Variants in FRY observed in about 807,000 individuals in gnomAD.
FRY encodes protein furry homolog.
In FRY, 128 loss-of-function variants were observed where a neutral mutation model predicts 348.4. The observed-to-expected ratio is 0.37, with a 90% CI of 0.32 to 0.43. The LOEUF (loss-of-function observed/expected upper bound fraction) is 0.43. Ranked by LOEUF, FRY falls within the 20% of genes least tolerant of loss-of-function variation. The pLI, the probability that FRY is intolerant of heterozygous loss-of-function variation, is 1.00. For missense variants in FRY, 2,736 were observed against 3,695.2 expected, an observed-to-expected ratio of 0.74 and a Z score of 6.73; for synonymous variants, 1,370 against 1,374.7, an observed-to-expected ratio of 1.00 and a Z score of 0.08.
intron 2 of FRY, among the ~76,000 whole-genome samples, chr13:32,096,370 C>T (rs1162911618): frequency 6.6e-6 from 1 of 151,214 alleles, no homozygotes; most frequent in African/African-American, 2.4e-5. Flanking sequence ...GGTGGGAATG[C>T]TAACAAGAAT....
At chr13:32,157,526 T>C (rs919580597) in intron 16 of FRY, 121 bp downstream of exon 16, 4 of 824,038 alleles carry the variant, frequency 4.9e-6, no homozygotes, top group African/African-American at 5.0e-5. Context: ...GTAGTAAAGA[T>C]AGTTAAAAAA....
intron 34 of FRY, among the ~76,000 whole-genome samples, chr13:32,211,811 A>G (rs1376380043): frequency 6.6e-6 from 1 of 151,948 alleles, no homozygotes; most frequent in Non-Finnish European, 1.5e-5. Flanking sequence ...CTGCCTTCCA[A>G]TTCCTCTCCT....
At chr13:32,194,019 A>G (rs1883523030) in intron 28 of FRY, 124 bp from the exon 29 acceptor site, 1 of 993,642 alleles carries the variant, frequency 1.0e-6, no homozygotes, top group South Asian at 1.3e-5. Context: ...CATAAAAACC[A>G]AAATGAAAGC....
At chr13:32,139,151 T>C (rs1879900655) in intron 11 of FRY, among the ~76,000 whole-genome samples, 1 of 152,208 alleles carries the variant, frequency 6.6e-6, no homozygotes, top group African/African-American at 2.4e-5. Flanking sequence ...AAAAATGTTA[T>C]TAATATTCAG....
intron 1 of FRY, among the ~76,000 whole-genome samples, chr13:32,056,029 A>G (rs1436544789): frequency 1.3e-5 from 2 of 152,012 alleles, no homozygotes; most frequent in African/African-American, 4.8e-5. Context: ...TGTCTCTACT[A>G]AAAATACAAA....
At chr13:32,292,168 A>G in intron 59 of FRY, 3 of 296,336 alleles carry the variant, frequency 1.0e-5, no homozygotes, top group South Asian at 8.1e-5. Flanking sequence ...TTTTTAGTGG[A>G]GACGATGTTT....
chr13:32,197,513 T>C (rs934360399), intron 29 of FRY, among the ~76,000 whole-genome samples: 1 of 152,152 alleles, frequency 6.6e-6, no homozygotes, highest in Non-Finnish European at 1.5e-5. Flanking sequence ...TGGGTTCAAA[T>C]CCTCACTCCA....
chr13:32,250,554 G>C (rs1169536745), intron 49 of FRY, among the ~76,000 whole-genome samples: 1 of 152,222 alleles, frequency 6.6e-6, no homozygotes, highest in Non-Finnish European at 1.5e-5. Context: ...GATGACTTCA[G>C]AGCGACAGAG....
intron 1 of FRY, among the ~76,000 whole-genome samples, chr13:32,076,840 G>A (rs557830925): frequency 2.6e-5 from 4 of 152,128 alleles, no homozygotes; most frequent in African/African-American, 9.6e-5. Context: ...TTACAGGGCC[G>A]ACCCTAGACA....
intron 1 of FRY, among the ~76,000 whole-genome samples, chr13:32,051,976 T>A (rs1873358744): frequency 6.6e-6 from 1 of 152,234 alleles, no homozygotes; most frequent in Non-Finnish European, 1.5e-5. Flanking sequence ...TTGTAATAGA[T>A]TTGGGTGCCA....
chr13:32,141,854 G>A (rs1231372214), intron 11 of FRY, among the ~76,000 whole-genome samples: 1 of 152,216 alleles, frequency 6.6e-6, no homozygotes, highest in Admixed American at 6.5e-5. Flanking sequence ...GACTGGCAGT[G>A]AGGTGAGATG....
At chr13:32,049,918 A>G (rs1336200907) in intron 1 of FRY, among the ~76,000 whole-genome samples, 1 of 152,242 alleles carries the variant, frequency 6.6e-6, no homozygotes, top group Admixed American at 6.5e-5. Flanking sequence ...TATTTGATGA[A>G]CAGTGTTTTA....
chr13:32,230,697 T>G (rs1296485312), intron 40 of FRY, among the ~76,000 whole-genome samples: 1 of 152,212 alleles, frequency 6.6e-6, no homozygotes, highest in African/African-American at 2.4e-5. Flanking sequence ...CTGGGTCGAA[T>G]GGTATTTCTG....
At chr13:32,286,523 G>A (rs537507896) in intron 58 of FRY, among the ~76,000 whole-genome samples, 127 of 151,920 alleles carry the variant, frequency 8.4e-4, no homozygotes, top group African/African-American at 2.7e-3. Context: ...CGAGGCAGGC[G>A]GATCACAAGG....
At chr13:32,042,740 G>T (rs561912762) in intron 1 of FRY, among the ~76,000 whole-genome samples, 1 of 152,318 alleles carries the variant, frequency 6.6e-6, no homozygotes, top group East Asian at 1.9e-4. Flanking sequence ...ACTTCCTCTT[G>T]CTTCTCTCTG....
chr13:32,040,009 CACA>C (rs1170137683), intron 1 of FRY, among the ~76,000 whole-genome samples: 3 of 152,236 alleles, frequency 2.0e-5, no homozygotes, highest in African/African-American at 7.2e-5. Flanking sequence ...ATGCCATAAG[CACA>C]ACATTATGGA....
intron 31 of FRY, among the ~76,000 whole-genome samples, chr13:32,205,156 T>C (rs974919978): frequency 2.1e-5 from 3 of 144,740 alleles, no homozygotes; most frequent in Non-Finnish European, 3.0e-5. Flanking sequence ...TTAGCCGAGA[T>C]TGTGCTACTG....
chr13:32,167,018 C>T (rs1050569188), intron 17 of FRY, among the ~76,000 whole-genome samples: 2 of 151,798 alleles, frequency 1.3e-5, no homozygotes, highest in Non-Finnish European at 2.9e-5. Context: ...TGAAAATGAT[C>T]CTGCATTGTG....
chr13:32,240,686 A>C (rs191245410), intron 46 of FRY, among the ~76,000 whole-genome samples: 33 of 152,350 alleles, frequency 2.2e-4, no homozygotes, highest in Middle Eastern at 3.4e-3. Flanking sequence ...GAAATCTATA[A>C]GGCAAATGAC....
Sources: allele counts gnomAD v4.1 joint callset (sites outside exome capture counted in the v4.1 genomes callset), GRCh38; gene constraint gnomAD v4.1.1; transcripts MANE v1.5; gene names NCBI Gene and HGNC (gene_info 2026-07-23, HGNC 2026-07-21).